CDC73: variants seen among roughly 807,000 people sequenced by gnomAD.
CDC73 encodes the protein cell division cycle 73, also known as parafibromin.
In CDC73, 21 loss-of-function variants were observed where a neutral mutation model predicts 83.7. That is an observed-to-expected ratio of 0.25 (90% confidence interval 0.18 to 0.36). CDC73 has a LOEUF of 0.36. Among genes scored for constraint, CDC73 ranks in the 10% least tolerant of loss-of-function variants. The probability of loss-of-function intolerance (pLI) is 1.00; values close to 1 mark genes in which losing one functional copy is unlikely to be tolerated. For missense variants in CDC73, 342 were observed against 653.3 expected (o/e 0.52, Z 5.19); for synonymous variants, 224 against 212.9 (o/e 1.05, Z -0.45).
At chr1:193,188,976 CAG>C (rs1191600743) in intron 10 of CDC73, among the ~76,000 whole-genome samples, 1 of 147,326 alleles carries the variant, frequency 6.8e-6, no homozygotes, top group East Asian at 2.0e-4. Context: ...TTTTTGGAGA[CAG>C]AGTTTTGCTC....
intron 10 of CDC73, among the ~76,000 whole-genome samples, chr1:193,202,209 T>G (rs1357229062): frequency 6.7e-6 from 1 of 149,024 alleles, no homozygotes; most frequent in South Asian, 2.1e-4. Context: ...CTTCTGATTT[T>G]TTTAAAAATC....
intron 10 of CDC73, among the ~76,000 whole-genome samples, chr1:193,182,041 G>A (rs1676726111): frequency 6.6e-6 from 1 of 152,098 alleles, no homozygotes; most frequent in South Asian, 2.1e-4. Context: ...AAGAGCAGAT[G>A]GAAAATTTAT....
intron 9 of CDC73, 39 bp from the exon 10 acceptor site, chr1:193,152,341 T>G: frequency 7.8e-7 from 1 of 1,281,138 alleles, no homozygotes; most frequent in Non-Finnish European, 1.1e-6. Context: ...AGATACATGA[T>G]CTATAAAATC....
chr1:193,147,236 C>T (rs551070682), intron 7 of CDC73, among the ~76,000 whole-genome samples: 1 of 152,088 alleles, frequency 6.6e-6, no homozygotes, highest in Non-Finnish European at 1.5e-5. Context: ...TCATGATCCA[C>T]CTGCCTCTGC....
At chr1:193,246,345 C>T (rs1207737480) in intron 15 of CDC73, among the ~76,000 whole-genome samples, 1 of 151,946 alleles carries the variant, frequency 6.6e-6, no homozygotes, top group Non-Finnish European at 1.5e-5. Flanking sequence ...ACAGTTTTCC[C>T]TGCATCATTT....
intron 7 of CDC73, among the ~76,000 whole-genome samples, chr1:193,146,349 G>A (rs1025867885): frequency 6.6e-6 from 1 of 152,182 alleles, no homozygotes; most frequent in Non-Finnish European, 1.5e-5. Flanking sequence ...GTTTTGTGCT[G>A]CTGTGGATAT....
At chr1:193,194,442 A>T (rs904981526) in intron 10 of CDC73, among the ~76,000 whole-genome samples, 1 of 152,104 alleles carries the variant, frequency 6.6e-6, no homozygotes, top group Non-Finnish European at 1.5e-5. Context: ...GTTATTTGGT[A>T]TATTCTTTTA....
intron 10 of CDC73, among the ~76,000 whole-genome samples, chr1:193,172,713 TTTTCCCTCTTCC>T (rs1676536338): frequency 6.6e-6 from 1 of 152,130 alleles, no homozygotes; most frequent in African/African-American, 2.4e-5. Context: ...ACTGCATCCT[TTTTCCCTCTTCC>T]TTTTGCCATC....
intron 10 of CDC73, among the ~76,000 whole-genome samples, chr1:193,159,719 T>G (rs1369387098): frequency 6.6e-6 from 1 of 152,218 alleles, no homozygotes; most frequent in African/African-American, 2.4e-5. Context: ...GCATAAATGT[T>G]TTTATATTAA....
chr1:193,202,127 A>T (rs535795745), intron 10 of CDC73, among the ~76,000 whole-genome samples: 2 of 152,244 alleles, frequency 1.3e-5, no homozygotes, highest in South Asian at 2.1e-4. Context: ...TTATTATATA[A>T]TGTCTAGTTG....
At chr1:193,246,445 C>T (rs528542889) in intron 15 of CDC73, among the ~76,000 whole-genome samples, 1 of 152,080 alleles carries the variant, frequency 6.6e-6, no homozygotes, top group Non-Finnish European at 1.5e-5. Flanking sequence ...GAAGACTTTA[C>T]CAAAAATACT....
chr1:193,238,060 A>T (rs1016260750), intron 15 of CDC73, among the ~76,000 whole-genome samples: 4 of 152,230 alleles, frequency 2.6e-5, no homozygotes, highest in African/African-American at 9.7e-5. Flanking sequence ...TCTTTAAGAT[A>T]TAAATGTTGT....
intron 10 of CDC73, chr1:193,181,008 G>A (rs747647944): frequency 6.2e-7 from 1 of 1,613,638 alleles, no homozygotes; most frequent in South Asian, 1.1e-5. Flanking sequence ...ATATTCTTGT[G>A]ATTTGAATAC....
At chr1:193,177,530 A>G (rs983531114) in intron 10 of CDC73, among the ~76,000 whole-genome samples, 2 of 129,732 alleles carry the variant, frequency 1.5e-5, no homozygotes, top group Non-Finnish European at 3.1e-5. Context: ...ACTCTGTCTA[A>G]AAAAAAAAAA....
intron 7 of CDC73, among the ~76,000 whole-genome samples, chr1:193,145,026 C>T (rs1238052693): frequency 1.3e-5 from 2 of 152,116 alleles, no homozygotes; most frequent in Non-Finnish European, 2.9e-5. Flanking sequence ...TTAAAGTCTT[C>T]TAGTGAGTCT....
At chr1:193,132,282 A>G (rs1208399187) in intron 3 of CDC73, among the ~76,000 whole-genome samples, 2 of 152,202 alleles carry the variant, frequency 1.3e-5, no homozygotes, top group Admixed American at 1.3e-4. Context: ...TCCTCATTCA[A>G]TAAGGACTTA....
intron 10 of CDC73, among the ~76,000 whole-genome samples, chr1:193,152,956 T>C (rs749384449): frequency 6.6e-6 from 1 of 152,066 alleles, no homozygotes; most frequent in Non-Finnish European, 1.5e-5. Flanking sequence ...AATTTTCTTG[T>C]ATTTTTAGTA....
intron 10 of CDC73, among the ~76,000 whole-genome samples, chr1:193,187,805 A>G (rs1304695834): frequency 6.6e-6 from 1 of 152,134 alleles, no homozygotes; most frequent in Non-Finnish European, 1.5e-5. Context: ...ACCCCACTGT[A>G]TTAGAAATGT....
chr1:193,184,648 T>C (rs1676775145), intron 10 of CDC73, among the ~76,000 whole-genome samples: 2 of 152,018 alleles, frequency 1.3e-5, no homozygotes, highest in South Asian at 4.1e-4. Flanking sequence ...TACACTTTTG[T>C]TTTGAGATGT....
Sources: allele counts gnomAD v4.1 joint callset (sites outside exome capture counted in the v4.1 genomes callset), GRCh38; gene constraint gnomAD v4.1.1; transcripts MANE v1.5; gene names NCBI Gene and HGNC (gene_info 2026-07-23, HGNC 2026-07-21).